P2RY6: variants seen among roughly 807,000 people sequenced by gnomAD.
P2RY6 encodes the protein pyrimidinergic receptor P2Y6, also known as P2Y purinoceptor 6.
In P2RY6, 19 loss-of-function variants were observed where a neutral mutation model predicts 16.3. That is an observed-to-expected ratio of 1.16 (90% CI 0.81 to 1.71). The LOEUF (loss-of-function observed/expected upper bound fraction) is 1.71. P2RY6 is among the 40% of genes most tolerant of loss of function. The pLI is 0.00. For missense variants in P2RY6, 389 were observed against 455.5 expected, an observed-to-expected ratio of 0.85 and a Z score of 1.33; for synonymous variants, 184 against 201.5, an observed-to-expected ratio of 0.91 and a Z score of 0.74.
At chr11:73,279,680 G>C (rs914754789) in intron 1 of P2RY6, among the ~76,000 whole-genome samples, 3 of 152,216 alleles carry the variant, frequency 2.0e-5, no homozygotes, top group South Asian at 2.1e-4. Flanking sequence ...AGGAGAAAAA[G>C]AGTGAGAGTC....
At chr11:73,275,003 C>T (rs1019543710) in intron 1 of P2RY6, among the ~76,000 whole-genome samples, 2 of 152,240 alleles carry the variant, frequency 1.3e-5, no homozygotes, top group African/African-American at 4.8e-5. Flanking sequence ...TTGCTGCTTC[C>T]CCTGTCCCAG....
At chr11:73,287,761 T>C (rs1378752747) in intron 1 of P2RY6, among the ~76,000 whole-genome samples, 1 of 152,232 alleles carries the variant, frequency 6.6e-6, no homozygotes, top group Non-Finnish European at 1.5e-5. Flanking sequence ...AGCCTGGTTG[T>C]CCAGGCAAGG....
upstream of P2RY6, among the ~76,000 whole-genome samples, chr11:73,269,239 A>G (rs1228429622): frequency 6.6e-6 from 1 of 152,120 alleles, no homozygotes; most frequent in Non-Finnish European, 1.5e-5. Context: ...GTGGCTGTGG[A>G]GGGGTCAGTG....
intron 1 of P2RY6, among the ~76,000 whole-genome samples, chr11:73,281,167 C>T (rs1170252485): frequency 2.0e-5 from 3 of 152,164 alleles, no homozygotes; most frequent in Non-Finnish European, 4.4e-5. Flanking sequence ...TAGAGGACAG[C>T]GGGCTCTTGG....
chr11:73,290,354 A>AGAAAGAAAGAAGGAAAGAAAGAAG (rs1248839691), intron 1 of P2RY6, among the ~76,000 whole-genome samples: 34 of 121,934 alleles, frequency 2.8e-4, no homozygotes, highest in African/African-American at 1.0e-3. Flanking sequence ...AAAGAAAGAA[A>AGAAAGAAAGAAGGAAAGAAAGAAG]GAAAGAAAGA....
chr11:73,269,753 C>A (rs986394721), upstream of P2RY6: 8 of 152,384 alleles, frequency 5.2e-5, no homozygotes, highest in African/African-American at 1.9e-4. Context: ...TCATGTCCTC[C>A]CCCAGCCTGG....
chr11:73,279,590 CT>C (rs1863676051), intron 1 of P2RY6, among the ~76,000 whole-genome samples: 2 of 152,246 alleles, frequency 1.3e-5, no homozygotes, highest in African/African-American at 2.4e-5. Context: ...TCTCTCCTGA[CT>C]TTCCACTGGG....
chr11:73,288,902 G>A (rs1267377472), intron 1 of P2RY6, among the ~76,000 whole-genome samples: 1 of 152,204 alleles, frequency 6.6e-6, no homozygotes, highest in East Asian at 1.9e-4. Flanking sequence ...CACCGGCCAG[G>A]GGCCAAGCAA....
intron 1 of P2RY6, among the ~76,000 whole-genome samples, chr11:73,289,145 T>G (rs1459524315): frequency 6.6e-6 from 1 of 152,202 alleles, no homozygotes; most frequent in East Asian, 1.9e-4. Context: ...GACCATAGGA[T>G]CTACGCAGCC....
At chr11:73,271,278 G>C (rs542196743), upstream of P2RY6, among the ~76,000 whole-genome samples, 1 of 152,110 alleles carries the variant, frequency 6.6e-6, no homozygotes, top group Non-Finnish European at 1.5e-5. Context: ...TTTCCCCCCC[G>C]GCATCACCCT....
At chr11:73,283,612 G>T (rs1450064638) in intron 1 of P2RY6, among the ~76,000 whole-genome samples, 1 of 152,204 alleles carries the variant, frequency 6.6e-6, no homozygotes, top group East Asian at 1.9e-4. Context: ...AGCTCAGACA[G>T]TTGCTGGCTC....
At chr11:73,272,710 T>C (rs1178932585) in intron 1 of P2RY6, among the ~76,000 whole-genome samples, 1 of 152,268 alleles carries the variant, frequency 6.6e-6, no homozygotes, top group African/African-American at 2.4e-5. Context: ...GATGGACACA[T>C]TGGTGCTGCG....
At chr11:73,275,339 A>G (rs1467540369) in intron 1 of P2RY6, among the ~76,000 whole-genome samples, 1 of 152,154 alleles carries the variant, frequency 6.6e-6, no homozygotes, top group East Asian at 1.9e-4. Flanking sequence ...GTGAGGGATA[A>G]CCTTGTTTCT....
chr11:73,291,176 G>T (rs996129240), intron 1 of P2RY6, among the ~76,000 whole-genome samples: 10 of 152,326 alleles, frequency 6.6e-5, no homozygotes, highest in Non-Finnish European at 1.3e-4. Flanking sequence ...GCAGAGCGGT[G>T]GGATTAGGGG....
intron 1 of P2RY6, among the ~76,000 whole-genome samples, chr11:73,278,747 T>G (rs1236090076): frequency 1.3e-5 from 2 of 152,242 alleles, no homozygotes; most frequent in Non-Finnish European, 2.9e-5. Flanking sequence ...ATATATCACA[T>G]TTTATTTATC....
chr11:73,268,798 G>A (rs886728244), upstream of P2RY6, among the ~76,000 whole-genome samples: 3 of 152,232 alleles, frequency 2.0e-5, no homozygotes, highest in Non-Finnish European at 2.9e-5. Flanking sequence ...GCTGAAGGTG[G>A]TGTTTTCCCT....
intron 1 of P2RY6, among the ~76,000 whole-genome samples, chr11:73,287,982 G>C (rs889144857): frequency 3.3e-5 from 5 of 152,204 alleles, no homozygotes; most frequent in African/African-American, 1.2e-4. Flanking sequence ...CAGTCTCAGG[G>C]CTGCCCTTGA....
At chr11:73,273,675 G>A (rs899165015) in intron 1 of P2RY6, among the ~76,000 whole-genome samples, 2 of 152,102 alleles carry the variant, frequency 1.3e-5, no homozygotes, top group East Asian at 1.9e-4. Context: ...GCCTTATCCT[G>A]TGGCTGTCTC....
rs1331864860 is a variant in P2RY6 at position 73,297,578 on chromosome 11, C to A, written c.*73C>A. On this transcript the variant is annotated 3_prime_UTR_variant, in exon 3 of 3. Coordinates refer to ENST00000540124, the MANE Select transcript of P2RY6 (RefSeq NM_001277204.2). The stretch of plus-strand genomic sequence containing the variant: ...CACCAGGAGCCCCACCAACCCCAAA[C>A]CATGCGGAGAATTAGAGTTCAGCTC... The A allele has an allele frequency of 8.4e-7, 1 of 1,192,000 alleles. No homozygotes were observed. Among genetic ancestry groups the A allele is most frequent in the Non-Finnish European group, 1.2e-6 (1 of 831,268 alleles). The allele number at this position is 1,192,000 out of a possible 1,614,324, so 73.8% of individuals were successfully genotyped here. A position where few individuals can be genotyped will look rare whatever the true frequency, so the allele number is the denominator to read the frequency against.
Sources: gnomAD v4.1 joint callset for allele counts (sites outside exome capture counted in the v4.1 genomes callset) on GRCh38, gnomAD v4.1.1 for gene constraint, MANE v1.5 for transcripts, NCBI Gene and HGNC (gene_info 2026-07-23, HGNC 2026-07-21) for gene names.